Variants in MAGI2 observed in about 807,000 individuals in gnomAD.
The protein encoded by MAGI2 is membrane associated guanylate kinase, WW and PDZ domain containing 2, also known as membrane-associated guanylate kinase, WW and PDZ domain-containing protein 2.
Under a neutral mutation model 133.3 loss-of-function variants are expected in MAGI2, and 35 were observed. The ratio of observed to expected loss-of-function variants is 0.26; its 90% CI spans 0.20 to 0.35. The LOEUF (loss-of-function observed/expected upper bound fraction) is 0.35. Ranked by LOEUF, MAGI2 falls within the 10% of genes least tolerant of loss-of-function variation. The pLI, the probability that MAGI2 is intolerant of heterozygous loss-of-function variation, is 1.00. For missense variants in MAGI2, 1,636 were observed against 1,863.4 expected, an observed-to-expected ratio of 0.88 and a Z score of 2.25; for synonymous variants, 729 against 710.6, an observed-to-expected ratio of 1.03 and a Z score of -0.41.
chr7:78,454,802 G>A (rs915087709), intron 6 of MAGI2, among the ~76,000 whole-genome samples: 6 of 151,984 alleles, frequency 3.9e-5, no homozygotes, highest in African/African-American at 1.5e-4. Flanking sequence ...CACCACTAAG[G>A]GAAAGAAGTC....
chr7:79,062,303 T>G (rs943456999), intron 1 of MAGI2, among the ~76,000 whole-genome samples: 5 of 152,128 alleles, frequency 3.3e-5, no homozygotes, highest in Non-Finnish European at 7.4e-5. Flanking sequence ...AGATCACAAT[T>G]GTACCACTCT....
At chr7:78,592,353 T>TC (rs1804097594) in intron 3 of MAGI2, among the ~76,000 whole-genome samples, 1 of 151,738 alleles carries the variant, frequency 6.6e-6, no homozygotes, top group African/African-American at 2.4e-5. Flanking sequence ...TTTTTTTTTT[T>TC]CCTGTAAAGG....
chr7:78,504,431 A>C (rs1161614655), intron 4 of MAGI2, among the ~76,000 whole-genome samples: 1 of 152,172 alleles, frequency 6.6e-6, no homozygotes, highest in Non-Finnish European at 1.5e-5. Flanking sequence ...GTTGGGGAAG[A>C]GTAGAGCAGG....
intron 2 of MAGI2, among the ~76,000 whole-genome samples, chr7:78,861,833 C>T (rs2151502273): frequency 6.6e-6 from 1 of 152,292 alleles, no homozygotes; most frequent in South Asian, 2.1e-4. Context: ...CTTTTCAATT[C>T]CCTGTTCACC....
At chr7:79,101,723 C>CAAAAAAAAAAAAAAAAAAA (rs376256842) in intron 1 of MAGI2, among the ~76,000 whole-genome samples, 1 of 112,782 alleles carries the variant, frequency 8.9e-6, no homozygotes, top group African/African-American at 3.7e-5. Flanking sequence ...GACTCTGTCA[C>CAAAAAAAAAAAAAAAAAAA]AAAAAAAAAA....
At chr7:79,017,621 T>C (rs1808869046) in intron 1 of MAGI2, among the ~76,000 whole-genome samples, 1 of 152,108 alleles carries the variant, frequency 6.6e-6, no homozygotes, top group Non-Finnish European at 1.5e-5. Flanking sequence ...ATTCAGAATA[T>C]AGATAGGAAT....
chr7:78,405,758 T>C (rs1409780358), intron 6 of MAGI2, among the ~76,000 whole-genome samples: 1 of 152,054 alleles, frequency 6.6e-6, no homozygotes, highest in Non-Finnish European at 1.5e-5. Flanking sequence ...ATTTAAAAAA[T>C]TCTTAATTGT....
intron 1 of MAGI2, among the ~76,000 whole-genome samples, chr7:79,361,647 C>T (rs978807362): frequency 2.0e-5 from 3 of 152,162 alleles, no homozygotes; most frequent in Non-Finnish European, 4.4e-5. Flanking sequence ...CTTTTCTTCA[C>T]ATTCCCATAA....
Position 78,256,230 on chromosome 7 carries a change from T to C in MAGI2, c.1760A>G (p.His587Arg). 1.9e-6 allele frequency: 3 copies of C among 1,614,086 alleles called. No individual in the cohort carries two copies. The highest frequency in any genetic ancestry group is 1.7e-5 in the Admixed American group (1 of 60,024). The change falls in exon 10 of 22, where the codon CAT becomes CGT. Residue 587 changes from histidine (H) to arginine (R), a missense_variant. Coordinates refer to ENST00000354212, the MANE Select transcript of MAGI2 (RefSeq NM_012301.4). ...TGAAGCCATAGACACATTGTCATCA[T>C]GGACGGGCGGTGGATACGTGCCGTC... Reference protein sequence around the residue: ...QLDGTYPPPVHDDNVSMASSG... With the variant: ...QLDGTYPPPVRDDNVSMASSG...
chr7:78,251,231 C>T (rs1333804907), intron 10 of MAGI2, among the ~76,000 whole-genome samples: 2 of 152,164 alleles, frequency 1.3e-5, no homozygotes, highest in African/African-American at 4.8e-5. Flanking sequence ...AGACAACTTT[C>T]TCAACCTGAT....
At chr7:78,934,352 C>T (rs931422357) in intron 2 of MAGI2, among the ~76,000 whole-genome samples, 6 of 152,138 alleles carry the variant, frequency 3.9e-5, no homozygotes, top group Non-Finnish European at 8.8e-5. Flanking sequence ...GATCAGCCTG[C>T]CTCAGCCCCA....
chr7:78,647,000 G>A (rs990656956), intron 2 of MAGI2, among the ~76,000 whole-genome samples: 3 of 152,164 alleles, frequency 2.0e-5, no homozygotes, highest in African/African-American at 7.2e-5. Flanking sequence ...TGGTGGGTGG[G>A]TGACAGTAAT....
In MAGI2 at chr7:79,028,273, GTATGTATA is replaced by G. The variant is rs1177299135; in HGVS notation, c.302-21075_302-21068del. ...TATATATATATATATATATATGTAT[GTATGTATA>G]TATATATATATGTGTGTATATATAT... On this transcript the variant is annotated intron_variant, in intron 1 of 21. Coordinates refer to ENST00000354212, the MANE Select transcript of MAGI2 (RefSeq NM_012301.4). Among the ~76,000 whole-genome samples, 85 of 20,684 alleles carry G rather than the reference GTATGTATA, an allele frequency of 4.1e-3. 1 individual carries two copies. Among genetic ancestry groups the G allele is most frequent in the African/African-American group, 0.01 (82 of 8,074 alleles). The allele number at this position is 20,684 out of a possible 152,430, so 13.6% of individuals were successfully genotyped here.
At chr7:78,565,474 TAA>T (rs59788873) in intron 3 of MAGI2, among the ~76,000 whole-genome samples, 35 of 129,188 alleles carry the variant, frequency 2.7e-4, no homozygotes, top group African/African-American at 7.0e-4. Context: ...TCTAAAACGC[TAA>T]AAAAAAAAAA....
chr7:79,061,878 T>C (rs1185719413), intron 1 of MAGI2, among the ~76,000 whole-genome samples: 1 of 152,132 alleles, frequency 6.6e-6, no homozygotes, highest in Non-Finnish European at 1.5e-5. Flanking sequence ...AAATACCTGC[T>C]CCACCTTATA....
rs112635895 is a variant in MAGI2 at position 78,710,599 on chromosome 7, T to C, written c.419-83360A>G. On this transcript the variant is annotated intron_variant, in intron 2 of 21. Coordinates refer to ENST00000354212, the MANE Select transcript of MAGI2 (RefSeq NM_012301.4). ...TATTGCAAGGGTGGGTACAATATCC[T>C]ATTGATGAACCGTAGTGATCAAAGG... Among the ~76,000 whole-genome samples, 18 of 152,268 alleles carry C rather than the reference T, an allele frequency of 1.2e-4. 1 individual carries two copies. Among genetic ancestry groups the C allele is most frequent in the African/African-American group, 4.1e-4 (17 of 41,562 alleles).
chr7:78,237,120 G>T (rs950034443), intron 10 of MAGI2, among the ~76,000 whole-genome samples: 1 of 152,062 alleles, frequency 6.6e-6, no homozygotes, highest in African/African-American at 2.4e-5. Flanking sequence ...ATATCATCCT[G>T]TTATACACAT....
chr7:78,950,969 C>CTT lies in MAGI2; in HGVS notation c.418+56119_418+56120dup, dbSNP rs761908445. 2.2e-3 allele frequency among the ~76,000 whole-genome samples: 281 copies of CTT among 125,638 alleles called. 3 individuals are homozygous for CTT. Among genetic ancestry groups the CTT allele is most frequent in the Non-Finnish European group, 2.8e-3 (167 of 59,464 alleles). 82.4% of individuals were successfully genotyped at this position (125,638 alleles called of 152,430 possible). On this transcript the variant is annotated intron_variant, in intron 2 of 21. Coordinates refer to ENST00000354212, the MANE Select transcript of MAGI2 (RefSeq NM_012301.4). ...TTTGTCTCTCCCACCCTAACGTTAG[C>CTT]TTTTTTTTTTTTTTTTTTTTGAGAT...
At chr7:78,997,124 G>A (rs1480151601) in intron 2 of MAGI2, among the ~76,000 whole-genome samples, 2 of 152,180 alleles carry the variant, frequency 1.3e-5, no homozygotes, top group Non-Finnish European at 2.9e-5. Flanking sequence ...ATGCATACAA[G>A]TGGGTCTTGT....
Sources: gnomAD v4.1 joint callset for allele counts (sites outside exome capture counted in the v4.1 genomes callset) on GRCh38, gnomAD v4.1.1 for gene constraint, MANE v1.5 for transcripts, NCBI Gene and HGNC (gene_info 2026-07-23, HGNC 2026-07-21) for gene names.